The following NID2 variants were observed in gnomAD, a reference collection of about 807,000 sequenced individuals.
NID2 encodes nidogen-2.
Under a neutral mutation model 145.4 loss-of-function variants are expected in NID2, and 83 were observed. That is an observed-to-expected ratio of 0.57 (90% confidence interval 0.48 to 0.69). NID2 has a LOEUF of 0.69. Ranked by LOEUF, NID2 falls within the 30% of genes least tolerant of loss-of-function variation. The pLI, the probability that NID2 is intolerant of heterozygous loss-of-function variation, is 0.00. For synonymous variants in NID2, 739 were observed against 701.3 expected, an observed-to-expected ratio of 1.05 and a Z score of -0.85; for missense variants, 1,807 against 1,765.7, an observed-to-expected ratio of 1.02 and a Z score of -0.42.
intron 9 of NID2, among the ~76,000 whole-genome samples, chr14:52,030,441 C>G (rs964343953): frequency 6.9e-6 from 1 of 144,588 alleles, no homozygotes; most frequent in Non-Finnish European, 1.5e-5. Context: ...AGTTCAAGAC[C>G]AGCCTGGGCA....
Position 52,067,959 on chromosome 14 carries a change from G to C in NID2, c.433C>G (p.Pro145Ala). The change falls in exon 2 of 22, where the codon CCG (proline) becomes GCG (alanine). Residue 145 changes from proline to alanine, a missense_variant. Pro to Ala is a conservative substitution (Grantham distance 27). Coordinates refer to ENST00000216286, the MANE Select transcript of NID2 (RefSeq NM_007361.4). The stretch of plus-strand genomic sequence containing the variant: ...GTGGGGGTAAAGCGCGCAGAGCGCG[G>C]GAAGCCAGCGCGCACATAGCGGGCG... Reference protein sequence around the residue: ...LAARYVRAGFPRSARFTPTHA... With the variant: ...LAARYVRAGFARSARFTPTHA... 6.2e-7 allele frequency: 1 copy of C among 1,611,466 alleles called. No homozygotes were observed. The highest frequency in any genetic ancestry group is 8.5e-7 in the Non-Finnish European group (1 of 1,179,026).
At chr14:52,030,085 A>G (rs1846785530) in intron 9 of NID2, among the ~76,000 whole-genome samples, 2 of 152,138 alleles carry the variant, frequency 1.3e-5, no homozygotes, top group Non-Finnish European at 2.9e-5. Context: ...CATGGGAAAA[A>G]TTGCCCAAGC....
rs777460872 is a variant in NID2, at chr14:52,014,294, G to A, written c.3413C>T (p.Ser1138Phe). Residue 1138 changes from serine to phenylalanine, a missense_variant, in exon 16 of 22, where the codon TCT (serine) becomes TTT (phenylalanine). Ser to Phe is a radical substitution (Grantham distance 155, BLOSUM62 -2). Transcript: ENST00000216286. ...LQKDAAKTLL[S>F]LHGSIIVGID... ...AGGAGAAATCCACTTTACATGCAGA[G>A]ACAGCAGGGTCTTAGCTGCATCCTT... 1.9e-6 allele frequency: 3 copies of A among 1,614,240 alleles called. No individual in the cohort carries two copies. Among genetic ancestry groups the A allele is most frequent in the Non-Finnish European group, 2.5e-6 (3 of 1,180,046 alleles).
rs1890713416 is a variant in NID2, at chr14:52,005,191, G to A, written c.*295C>T. The A allele has an allele frequency of 1.1e-5, 3 of 281,282 alleles. No individual in the cohort carries two copies. Among genetic ancestry groups the A allele is most frequent in the Non-Finnish European group, 2.0e-5 (3 of 151,694 alleles). The allele number at this position is 281,282 out of a possible 1,614,324, so 17.4% of individuals were successfully genotyped here. On this transcript the variant is annotated 3_prime_UTR_variant, in exon 22 of 22. Transcript: ENST00000216286. ...CTCTAATTCTTAGTTGAATGAATTTGATCTTTTAAATATTAATGATAAATG... is the reference window on the plus strand; with the variant it reads ...CTCTAATTCTTAGTTGAATGAATTTAATCTTTTAAATATTAATGATAAATG...
At chr14:52,049,689 T>C (rs559922782) in intron 5 of NID2, among the ~76,000 whole-genome samples, 1 of 110,064 alleles carries the variant, frequency 9.1e-6, no homozygotes, top group African/African-American at 3.3e-5. Flanking sequence ...AACAGTGGAA[T>C]GCTTTTTCGT....
Position 52,042,863 on chromosome 14 carries a change from A to G in NID2, c.1498T>C (p.Phe500Leu). Reference protein sequence around the residue: ...HNHRQCSRHAFCTDYATGFCC... With the variant: ...HNHRQCSRHALCTDYATGFCC... ...AAGCCAGTGGCATAGTCCGTGCAGA[A>G]GGCATGCCGGGAGCATTGTCTGTGG... The change falls in exon 6 of 22, where the codon TTC becomes CTC. Residue 500 changes from phenylalanine (F) to leucine (L), a missense_variant. By Grantham distance (22) the Phe-to-Leu change is conservative. Coordinates refer to ENST00000216286, the MANE Select transcript of NID2 (RefSeq NM_007361.4). 1 of 1,614,214 alleles carries G rather than the reference A, an allele frequency of 6.2e-7. No homozygotes were observed. The highest frequency in any genetic ancestry group is 8.5e-7 in the Non-Finnish European group (1 of 1,180,024).
chr14:52,032,311 CA>C (rs748771418), intron 9 of NID2, among the ~76,000 whole-genome samples: 60 of 152,152 alleles, frequency 3.9e-4, no homozygotes, highest in Non-Finnish European at 8.1e-4. Flanking sequence ...GAATCTTTGC[CA>C]AAACAAAGGA....
At chr14:52,036,787 G>C (rs1408178433) in intron 9 of NID2, among the ~76,000 whole-genome samples, 1 of 152,086 alleles carries the variant, frequency 6.6e-6, no homozygotes, top group East Asian at 1.9e-4. Context: ...ATGCCCATTG[G>C]GTATCTGTAT....
chr14:52,010,395 A>ATGTT (rs779508398), intron 18 of NID2: 4 of 153,174 alleles, frequency 2.6e-5, no homozygotes, highest in East Asian at 1.9e-4. Flanking sequence ...GACAGGGAAA[A>ATGTT]TGTTTATCTT....
intron 3 of NID2, among the ~76,000 whole-genome samples, chr14:52,055,931 T>TTGTGTG (rs1345346202): frequency 1.3e-3 from 11 of 8,588 alleles, no homozygotes; most frequent in Non-Finnish European, 4.4e-3. Flanking sequence ...TGTCTTTCTC[T>TTGTGTG]TGTGTGTGTT....
intron 5 of NID2, among the ~76,000 whole-genome samples, chr14:52,050,176 T>C (rs1214367213): frequency 6.6e-6 from 1 of 152,198 alleles, no homozygotes; most frequent in East Asian, 1.9e-4. Flanking sequence ...CTAAGACCCC[T>C]ATCAGTAAAC....
intron 9 of NID2, among the ~76,000 whole-genome samples, chr14:52,030,566 A>ACG (rs1365292501): frequency 0.038 from 2,081 of 54,438 alleles, 115 homozygotes; most frequent in East Asian, 0.086. Flanking sequence ...GAAAGAAAGA[A>ACG]AGGAAGGAAG....
intron 19 of NID2, chr14:52,007,035 C>A (rs1890812920): frequency 1.9e-5 from 3 of 158,314 alleles, no homozygotes. Flanking sequence ...AACCTTTTAA[C>A]CAAAATCCTT....
intron 2 of NID2, among the ~76,000 whole-genome samples, chr14:52,066,985 C>T (rs545788616): frequency 8.0e-4 from 122 of 152,206 alleles, no homozygotes; most frequent in African/African-American, 2.7e-3. Context: ...CGGCAGACTC[C>T]TATAAACTAA....
chr14:52,068,178 G>T lies in NID2; in HGVS notation c.229-15C>A. On this transcript the variant is annotated splice_polypyrimidine_tract_variant and intron_variant, in intron 1 of 21. Transcript: ENST00000216286. ...TTGGTGCCCACCTGGGAGAGGAGAG[G>T]GACAAAAAGGTGACAGTCGCTCAAG... 6.2e-7 allele frequency: 1 copy of T among 1,610,856 alleles called. No individual in the cohort carries two copies.
Position 52,042,986 on chromosome 14 carries a change from C to T in NID2, c.1430-55G>A, listed in dbSNP as rs1892342417. ...GGACTAAATGATTCCAATGTCACTG[C>T]TGCATCGGGGACACAACATCTGCTC... is the stretch of plus-strand genomic sequence containing the variant. On this transcript the variant is annotated intron_variant, in intron 5 of 21. Coordinates refer to ENST00000216286, the MANE Select transcript of NID2 (RefSeq NM_007361.4). 9.0e-6 allele frequency: 14 copies of T among 1,554,458 alleles called. No homozygotes were observed. In the South Asian group the frequency reaches 1.0e-4, roughly 11 times the overall value.
In NID2 at chr14:52,060,262, C is replaced by A. The variant is rs147947854; in HGVS notation, c.629G>T (p.Arg210Leu). Residue 210 changes from arginine (R) to leucine (L), a missense_variant, in exon 3 of 22, where the codon CGC (arginine) becomes CTC (leucine). By Grantham distance (102) the Arg-to-Leu change is moderately radical. Transcript: ENST00000216286. ...PANGLQFLGT[R>L]PKESYNVQLQ... ...CTGGACATTGTAAGACTCTTTGGGG[C>A]GGGTTCCAAGGAACTGCAGGCCGTT... 12 of 1,611,428 alleles carry A rather than the reference C, an allele frequency of 7.4e-6. No homozygotes were observed. The highest frequency in any genetic ancestry group is 4.5e-5 in the East Asian group (2 of 44,732).
At chr14:52,027,168 T>C (rs771140061) in intron 12 of NID2, 33 bp downstream of exon 12, 4 of 1,438,240 alleles carry the variant, frequency 2.8e-6, no homozygotes, top group South Asian at 1.5e-5. Context: ...AAAGCAACTT[T>C]CCAGTCATTG....
intron 2 of NID2, among the ~76,000 whole-genome samples, chr14:52,060,615 G>A (rs779693341): frequency 3.9e-5 from 6 of 152,048 alleles, no homozygotes; most frequent in Non-Finnish European, 5.9e-5. Flanking sequence ...GTTGAAATAC[G>A]CATTGGTAAA....
Sources: allele counts gnomAD v4.1 joint callset (sites outside exome capture counted in the v4.1 genomes callset), GRCh38; gene constraint gnomAD v4.1.1; transcripts MANE v1.5; gene names NCBI Gene and HGNC (gene_info 2026-07-23, HGNC 2026-07-21).